ZRANB3: variants seen among roughly 807,000 people sequenced by gnomAD.
ZRANB3 encodes the protein zinc finger RANBP2-type containing 3.
Under a neutral mutation model 133.8 loss-of-function variants are expected in ZRANB3, and 125 were observed. That is an observed-to-expected ratio of 0.93 (90% confidence interval 0.81 to 1.08). The LOEUF (loss-of-function observed/expected upper bound fraction) is 1.08, where lower values mean the gene tolerates loss of function less well. Ranked by LOEUF, ZRANB3 falls within the 50% of genes least tolerant of loss-of-function variation. ZRANB3 has a pLI of 0.00. For synonymous variants in ZRANB3, 387 were observed against 432.7 expected (o/e 0.89, Z 1.31); for missense variants, 1,229 against 1,275.5 (o/e 0.96, Z 0.56).
chr2:135,418,318 C>G (rs899582074), intron 2 of ZRANB3, among the ~76,000 whole-genome samples: 3 of 152,128 alleles, frequency 2.0e-5, no homozygotes, highest in African/African-American at 7.2e-5. Context: ...GTTTTCGTAT[C>G]CACTGGAGTA....
At chr2:135,248,708 C>T (rs898140037) in intron 12 of ZRANB3, among the ~76,000 whole-genome samples, 2 of 152,162 alleles carry the variant, frequency 1.3e-5, no homozygotes, top group Non-Finnish European at 2.9e-5. Context: ...TAGTTTGAGA[C>T]TAGCCTGGCC....
At chr2:135,224,077 G>T (rs1180081034) in intron 15 of ZRANB3, among the ~76,000 whole-genome samples, 1 of 152,118 alleles carries the variant, frequency 6.6e-6, no homozygotes, top group Non-Finnish European at 1.5e-5. Flanking sequence ...TGGGATACAT[G>T]AGATATTTTG....
At chr2:135,436,267 C>T (rs561927584) in intron 2 of ZRANB3, among the ~76,000 whole-genome samples, 1 of 152,200 alleles carries the variant, frequency 6.6e-6, no homozygotes, top group South Asian at 2.1e-4. Flanking sequence ...TGATTTTTGT[C>T]AGATAGTCAT....
At chr2:135,402,748 G>A (rs1200370060) in intron 2 of ZRANB3, among the ~76,000 whole-genome samples, 4 of 152,074 alleles carry the variant, frequency 2.6e-5, no homozygotes, top group Admixed American at 6.6e-5. Context: ...ACCACGTCCA[G>A]CTAATTTTTG....
At chr2:135,310,680 A>T (rs1044040534) in intron 8 of ZRANB3, among the ~76,000 whole-genome samples, 36 of 148,686 alleles carry the variant, frequency 2.4e-4, no homozygotes, top group Non-Finnish European at 4.2e-4. Flanking sequence ...TTATATATAT[A>T]TTTTTCATAT....
chr2:135,324,225 T>TC (rs1380951447), intron 6 of ZRANB3, among the ~76,000 whole-genome samples: 1 of 138,908 alleles, frequency 7.2e-6, no homozygotes, highest in African/African-American at 2.6e-5. Flanking sequence ...ATGCTATCCC[T>TC]CCCCCCTCCC....
intron 2 of ZRANB3, among the ~76,000 whole-genome samples, chr2:135,422,515 T>A (rs1042227664): frequency 1.3e-5 from 2 of 151,678 alleles, no homozygotes; most frequent in Admixed American, 6.6e-5. Context: ...GGCGGGGGCA[T>A]AAACCCACAG....
chr2:135,482,400 T>C (rs1160988846), intron 2 of ZRANB3, among the ~76,000 whole-genome samples: 3 of 147,938 alleles, frequency 2.0e-5, no homozygotes, highest in Non-Finnish European at 4.4e-5. Flanking sequence ...AGTTCACTCA[T>C]GATTTGGCTC....
intron 2 of ZRANB3, among the ~76,000 whole-genome samples, chr2:135,468,209 A>G (rs553372042): frequency 3.7e-4 from 57 of 152,344 alleles, no homozygotes; most frequent in South Asian, 2.1e-3. Context: ...AAAAGCAAGA[A>G]GAAACATGCT....
chr2:135,496,186 C>T (rs568878436), intron 2 of ZRANB3, among the ~76,000 whole-genome samples: 4 of 151,734 alleles, frequency 2.6e-5, no homozygotes, highest in African/African-American at 9.7e-5. Context: ...AGTTTGAGAC[C>T]AGCCTAGCCA....
intron 2 of ZRANB3, among the ~76,000 whole-genome samples, chr2:135,492,901 C>A (rs1692456082): frequency 1.3e-5 from 2 of 151,114 alleles, no homozygotes; most frequent in African/African-American, 4.9e-5. Context: ...AAAAAGGGAT[C>A]CAGTGGCAAA....
At position 135,318,212 on chromosome 2, in the gene ZRANB3, T is replaced by TTTTGTGTG. The variant is rs997979584; in HGVS notation, c.678-2683_678-2682insCACACAAA. Among the ~76,000 whole-genome samples the TTTTGTGTG allele has an allele frequency of 1.8e-4, 25 of 136,970 alleles. No individual in the cohort carries two copies. The East Asian group carries it at 2.8e-3, about 15-fold the overall frequency. 89.9% of individuals were successfully genotyped at this position (136,970 alleles called of 152,430 possible). ...TTTCCTATGCTATTTACACACTATTTTGTGTGTGTGTGTGTGTGTGTGTGT... is the reference window on the plus strand; with the variant it reads ...TTTCCTATGCTATTTACACACTATTTTTTGTGTGTGTGTGTGTGTGTGTGTGTGTGTGT... On this transcript the variant is annotated intron_variant, in intron 6 of 20. Transcript: ENST00000264159.
At chr2:135,501,099 T>C (rs1692921981) in intron 2 of ZRANB3, among the ~76,000 whole-genome samples, 1 of 152,148 alleles carries the variant, frequency 6.6e-6, no homozygotes, top group South Asian at 2.1e-4. Flanking sequence ...GAATAGAGTA[T>C]AGTGAAACTA....
intron 2 of ZRANB3, among the ~76,000 whole-genome samples, chr2:135,416,060 C>T (rs1307768297): frequency 2.0e-5 from 3 of 152,120 alleles, no homozygotes; most frequent in Non-Finnish European, 4.4e-5. Flanking sequence ...GACAGGGATG[C>T]CCTCGCTCAT....
chr2:135,508,690 T>C (rs1324266389), intron 1 of ZRANB3, among the ~76,000 whole-genome samples: 1 of 152,156 alleles, frequency 6.6e-6, no homozygotes, highest in Non-Finnish European at 1.5e-5. Context: ...AGAACATGAA[T>C]GTTTTTGTTA....
intron 2 of ZRANB3, among the ~76,000 whole-genome samples, chr2:135,432,338 T>A (rs1012241162): frequency 2.0e-5 from 3 of 152,186 alleles, no homozygotes; most frequent in African/African-American, 7.2e-5. Flanking sequence ...AAAAGACATA[T>A]ACATTCACTC....
rs537228017 is a variant in ZRANB3 at position 135,452,031 on chromosome 2, G to A, written c.161+52298C>T. ...GGAAAAATTATAAACATTTGTATTAGTCTGTATTCATGCTGCTGATAAAGA... is the reference window on the plus strand; with the variant it reads ...GGAAAAATTATAAACATTTGTATTAATCTGTATTCATGCTGCTGATAAAGA... On this transcript the variant is annotated intron_variant, in intron 2 of 20. Transcript: ENST00000264159. Among the ~76,000 whole-genome samples, 11 of 152,306 alleles carry A rather than the reference G, an allele frequency of 7.2e-5. No homozygotes were observed. In the East Asian group the frequency reaches 1.7e-3, roughly 24 times the overall value.
intron 3 of ZRANB3, among the ~76,000 whole-genome samples, chr2:135,375,902 G>T (rs746517301): frequency 1.3e-5 from 2 of 152,020 alleles, no homozygotes; most frequent in Non-Finnish European, 2.9e-5. Context: ...GGTTGAATTG[G>T]GTAACTCTCT....
intron 12 of ZRANB3, among the ~76,000 whole-genome samples, chr2:135,256,975 C>T (rs1262334010): frequency 6.6e-6 from 1 of 152,202 alleles, no homozygotes; most frequent in Non-Finnish European, 1.5e-5. Context: ...TTCCCACCAG[C>T]ACCAAAAGAG....
Sources: allele counts gnomAD v4.1 joint callset (sites outside exome capture counted in the v4.1 genomes callset), GRCh38; gene constraint gnomAD v4.1.1; transcripts MANE v1.5; gene names NCBI Gene and HGNC (gene_info 2026-07-23, HGNC 2026-07-21).